SDHB: variants seen among roughly 807,000 people sequenced by gnomAD.
The protein encoded by SDHB is succinate dehydrogenase [ubiquinone] iron-sulfur subunit, mitochondrial.
In SDHB, 21 loss-of-function variants were observed where a neutral mutation model predicts 39.7. The observed-to-expected ratio is 0.53, with a 90% CI of 0.37 to 0.76. SDHB has a LOEUF of 0.76. Among genes scored for constraint, SDHB ranks in the 30% least tolerant of loss-of-function variants. SDHB has a pLI of 0.00. For missense variants in SDHB, 343 were observed against 350.9 expected (o/e 0.98, Z 0.18); for synonymous variants, 118 against 117.0 (o/e 1.01, Z -0.06).
In SDHB at chr1:17,044,893, A is replaced by T. The variant is rs747649519; in HGVS notation, c.73-5T>A. ...TGTCTGGGCTCCTCGGGAGGCCTGA[A>T]ATTTTTTAAAGTTCACAAAAAGGAA... On this transcript the variant is annotated splice_region_variant and splice_polypyrimidine_tract_variant and intron_variant, in intron 1 of 7. Coordinates refer to ENST00000375499, the MANE Select transcript of SDHB (RefSeq NM_003000.3). 6.2e-7 allele frequency: 1 copy of T among 1,613,302 alleles called. No individual in the cohort carries two copies. Among genetic ancestry groups the T allele is most frequent in the Non-Finnish European group, 8.5e-7 (1 of 1,179,864 alleles).
At chr1:17,033,451 A>G (rs1368135904) in intron 2 of SDHB, among the ~76,000 whole-genome samples, 1 of 152,244 alleles carries the variant, frequency 6.6e-6, no homozygotes, top group Non-Finnish European at 1.5e-5. Flanking sequence ...AGCTCCCTGC[A>G]AAGTTTTTCC....
Position 17,018,776 on chromosome 1 carries a change from A to G in SDHB, c.*105T>C, listed in dbSNP as rs1253026991. ...ATTTATTTCTTAAAATTTTTATTAT[A>G]CATGCTGTATTCATGGAAAACCAAG... On this transcript the variant is annotated 3_prime_UTR_variant, in exon 8 of 8. Transcript: ENST00000375499. The G allele has an allele frequency of 5.2e-6, 4 of 773,870 alleles. No individual in the cohort carries two copies. Among genetic ancestry groups the G allele is most frequent in the Non-Finnish European group, 9.0e-6 (4 of 442,440 alleles). The allele number at this position is 773,870 out of a possible 1,614,324, so 47.9% of individuals were successfully genotyped here. A position where few individuals can be genotyped will look rare whatever the true frequency, so the allele number is the denominator to read the frequency against.
At chr1:17,030,653 C>T (rs937020404) in intron 3 of SDHB, among the ~76,000 whole-genome samples, 1 of 151,824 alleles carries the variant, frequency 6.6e-6, no homozygotes, top group African/African-American at 2.4e-5. Context: ...GTCAGAGAAA[C>T]CTGATTGCTT....
chr1:17,027,483 T>C (rs978224325), intron 5 of SDHB, among the ~76,000 whole-genome samples: 1 of 152,192 alleles, frequency 6.6e-6, no homozygotes, highest in Non-Finnish European at 1.5e-5. Flanking sequence ...CTGGTTTCTT[T>C]TGAAAAAGAT....
chr1:17,024,066 G>A lies in SDHB; in HGVS notation c.549C>T (p.Leu183=), dbSNP rs1411654404. ...SIEEREKLDG[L]YECILCACCS... ...AGCAGGCACAGAGAATGCACTCGTA[G>A]AGCCCGTCCTGTATGGGGAGAAAAG... The change falls in exon 6 of 8, where the codon CTC becomes CTT. Residue 183 remains leucine, a synonymous_variant. Transcript: ENST00000375499. The A allele has an allele frequency of 1.9e-6, 3 of 1,612,820 alleles. No homozygotes were observed. The highest frequency in any genetic ancestry group is 1.7e-5 in the Admixed American group (1 of 60,014).
chr1:17,032,484 G>A (rs927913742), intron 3 of SDHB: 7 of 157,026 alleles, frequency 4.5e-5, no homozygotes, highest in South Asian at 1.9e-4. Context: ...CACCGCACCC[G>A]GCAGTAATTA....
intron 7 of SDHB, among the ~76,000 whole-genome samples, chr1:17,019,237 G>A (rs2077947735): frequency 2.6e-5 from 4 of 152,174 alleles, no homozygotes; most frequent in Admixed American, 1.3e-4. Flanking sequence ...GGGCAGAGGT[G>A]CACTCTCTGA....
intron 2 of SDHB, among the ~76,000 whole-genome samples, chr1:17,034,070 C>T (rs534420261): frequency 3.9e-5 from 6 of 152,300 alleles, no homozygotes; most frequent in South Asian, 4.1e-4. Flanking sequence ...GCCCCCATTC[C>T]ACTCACTAAT....
chr1:17,043,886 C>CA (rs2078094831), intron 2 of SDHB, among the ~76,000 whole-genome samples: 1 of 152,240 alleles, frequency 6.6e-6, no homozygotes, highest in Admixed American at 6.5e-5. Context: ...CGCAAATGAG[C>CA]AAAAAATATT....
At chr1:17,044,645 A>G in intron 2 of SDHB, 116 bp downstream of exon 2, 1 of 1,296,112 alleles carries the variant, frequency 7.7e-7, no homozygotes, top group Non-Finnish European at 1.1e-6. Context: ...TCTTGTTTTA[A>G]AAACAGAGCC....
chr1:17,043,118 C>T (rs111543052), intron 2 of SDHB, among the ~76,000 whole-genome samples: 531 of 151,978 alleles, frequency 3.5e-3, no homozygotes, highest in Non-Finnish European at 5.5e-3. Context: ...CCTGCCACAA[C>T]GCCCAGCTTA....
rs2077999823 is a variant in SDHB, at chr1:17,027,818, CA to C, written c.470del (p.Leu157Ter). ...CTTCCTGAGATTCATCCTTCTTCTT[CA>C]AATAAGGCTCAATGGATTTGTACTG... ...YAQYKSIEPY[L>X]KKKDESQEGK... is the part of the protein sequence containing the mutation. On this transcript the variant is annotated frameshift_variant, in exon 5 of 8. Coordinates refer to ENST00000375499, the MANE Select transcript of SDHB (RefSeq NM_003000.3). LOFTEE classifies it high-confidence loss of function. 1 of 1,613,534 alleles carries C rather than the reference CA, an allele frequency of 6.2e-7. No individual in the cohort carries two copies. The highest frequency in any genetic ancestry group is 2.2e-5 in the East Asian group (1 of 44,880).
chr1:17,028,831 G>A lies in SDHB; in HGVS notation c.287-95C>T. 6 of 1,443,364 alleles carry A rather than the reference G, an allele frequency of 4.2e-6. No individual in the cohort carries two copies. The Admixed American group carries it at 1.0e-4, about 24-fold the overall frequency. The allele number at this position is 1,443,364 out of a possible 1,614,324, so 89.4% of individuals were successfully genotyped here. A position where few individuals can be genotyped will look rare whatever the true frequency, so the allele number is the denominator to read the frequency against. On this transcript the variant is annotated intron_variant, in intron 3 of 7. Coordinates refer to ENST00000375499, the MANE Select transcript of SDHB (RefSeq NM_003000.3). ...CTGGATCCTCCTTGCTGTGCCATCAGGGGCAGCACTGACATGCAACATTCC... is the reference window on the plus strand; with the variant it reads ...CTGGATCCTCCTTGCTGTGCCATCAAGGGCAGCACTGACATGCAACATTCC...
intron 2 of SDHB, among the ~76,000 whole-genome samples, chr1:17,042,772 A>G (rs2078087870): frequency 8.5e-6 from 1 of 117,948 alleles, no homozygotes; most frequent in African/African-American, 2.6e-5. Context: ...CGAGACCCTG[A>G]CTCAAAAAAA....
chr1:17,023,246 G>A (rs1426718483), intron 6 of SDHB: 2 of 254,758 alleles, frequency 7.9e-6, no homozygotes, highest in Middle Eastern at 1.4e-3. Context: ...ATGACCATAG[G>A]CCTGCTCTAG....
At chr1:17,031,844 A>ATCTGGAG (rs1398601805) in intron 3 of SDHB, among the ~76,000 whole-genome samples, 2 of 152,128 alleles carry the variant, frequency 1.3e-5, no homozygotes, top group African/African-American at 2.4e-5. Flanking sequence ...GAGAGAGCAG[A>ATCTGGAG]TCTGGAGTCT....
At chr1:17,027,538 G>A (rs1251013911) in intron 5 of SDHB, 10 of 563,682 alleles carry the variant, frequency 1.8e-5, no homozygotes, top group Non-Finnish European at 3.2e-5. Context: ...GCGGGGCACA[G>A]GGCTCTAGCT....
At chr1:17,039,711 T>C (rs928742873) in intron 2 of SDHB, among the ~76,000 whole-genome samples, 1 of 152,250 alleles carries the variant, frequency 6.6e-6, no homozygotes, top group Non-Finnish European at 1.5e-5. Flanking sequence ...TGTGCAACTT[T>C]ATGTAATGCA....
chr1:17,036,195 TC>T (rs202247672), intron 2 of SDHB, among the ~76,000 whole-genome samples: 1 of 152,226 alleles, frequency 6.6e-6, no homozygotes, highest in East Asian at 1.9e-4. Context: ...GACCACTGCC[TC>T]CTTAACAACA....
Sources: gnomAD v4.1 joint callset for allele counts (sites outside exome capture counted in the v4.1 genomes callset) on GRCh38, gnomAD v4.1.1 for gene constraint, MANE v1.5 for transcripts, NCBI Gene and HGNC (gene_info 2026-07-23, HGNC 2026-07-21) for gene names.